Variants in CCDC85A observed in about 807,000 individuals in gnomAD.
The protein encoded by CCDC85A is coiled-coil domain-containing protein 85A.
In CCDC85A, 38 loss-of-function variants were observed where a neutral mutation model predicts 50.2. The ratio of observed to expected loss-of-function variants is 0.76; its 90% CI spans 0.58 to 0.99. The LOEUF (loss-of-function observed/expected upper bound fraction) is 0.99, where lower values mean the gene tolerates loss of function less well. CCDC85A is among the 50% of genes least tolerant of loss of function. The probability of loss-of-function intolerance (pLI) is 0.00; values close to 1 mark genes in which losing one functional copy is unlikely to be tolerated. For missense variants in CCDC85A, 820 were observed against 742.0 expected (o/e 1.11, Z -1.22); for synonymous variants, 366 against 301.4 (o/e 1.21, Z -2.22).
intron 3 of CCDC85A, among the ~76,000 whole-genome samples, chr2:56,366,930 C>T (rs1675826153): frequency 6.6e-6 from 1 of 152,060 alleles, no homozygotes; most frequent in Non-Finnish European, 1.5e-5. Context: ...TAATCTTTTG[C>T]CATTATCTTA....
chr2:56,311,146 T>A (rs1415493612), intron 2 of CCDC85A, among the ~76,000 whole-genome samples: 4 of 152,156 alleles, frequency 2.6e-5, no homozygotes, highest in Admixed American at 2.6e-4. Flanking sequence ...TTTTAAAAAT[T>A]CTTTAGAATT....
chr2:56,306,318 GGGT>G (rs1465974367), intron 2 of CCDC85A, among the ~76,000 whole-genome samples: 6 of 152,028 alleles, frequency 3.9e-5, no homozygotes, highest in African/African-American at 1.2e-4. Context: ...TTAAGAGACT[GGGT>G]TTCACCATGT....
intron 2 of CCDC85A, among the ~76,000 whole-genome samples, chr2:56,340,539 G>A (rs1241417932): frequency 6.6e-6 from 1 of 152,138 alleles, no homozygotes; most frequent in Non-Finnish European, 1.5e-5. Context: ...AGCAGAAGAA[G>A]AAGCCGAGGC....
intron 2 of CCDC85A, among the ~76,000 whole-genome samples, chr2:56,233,365 T>G (rs1240217717): frequency 6.6e-6 from 1 of 152,168 alleles, no homozygotes; most frequent in Non-Finnish European, 1.5e-5. Context: ...GTCTCATCCT[T>G]TGAAGAATAG....
chr2:56,262,593 A>G (rs1670266401), intron 2 of CCDC85A, among the ~76,000 whole-genome samples: 1 of 152,190 alleles, frequency 6.6e-6, no homozygotes, highest in Non-Finnish European at 1.5e-5. Context: ...AGCCATCAGT[A>G]AACCATTCAC....
intron 5 of CCDC85A, among the ~76,000 whole-genome samples, chr2:56,381,001 T>TA (rs1313222797): frequency 6.6e-6 from 1 of 152,154 alleles, no homozygotes; most frequent in Non-Finnish European, 1.5e-5. Context: ...CTCAGACACT[T>TA]ACGCATCAAC....
chr2:56,187,252 A>G (rs1169707015), intron 1 of CCDC85A, among the ~76,000 whole-genome samples: 1 of 152,236 alleles, frequency 6.6e-6, no homozygotes, highest in Non-Finnish European at 1.5e-5. Flanking sequence ...GTTGAGAACT[A>G]TAAATGTAGG....
intron 3 of CCDC85A, among the ~76,000 whole-genome samples, chr2:56,344,243 A>G (rs1007024972): frequency 1.3e-5 from 2 of 152,228 alleles, no homozygotes; most frequent in South Asian, 4.1e-4. Context: ...TAACAAAGTT[A>G]TTATTAGTAA....
At chr2:56,337,248 A>G (rs1674119220) in intron 2 of CCDC85A, among the ~76,000 whole-genome samples, 1 of 152,250 alleles carries the variant, frequency 6.6e-6, no homozygotes, top group South Asian at 2.1e-4. Flanking sequence ...TCCTGCTTTG[A>G]AAATGGGCCT....
chr2:56,351,296 G>A (rs189756340), intron 3 of CCDC85A, among the ~76,000 whole-genome samples: 2 of 151,708 alleles, frequency 1.3e-5, no homozygotes, highest in Admixed American at 6.6e-5. Flanking sequence ...ATTGTGAATA[G>A]TGCCGCAATA....
intron 2 of CCDC85A, among the ~76,000 whole-genome samples, chr2:56,224,309 A>G (rs1668452629): frequency 6.6e-6 from 1 of 152,110 alleles, no homozygotes; most frequent in African/African-American, 2.4e-5. Context: ...ATTTCTTTTC[A>G]CTGGGGACTA....
intron 2 of CCDC85A, among the ~76,000 whole-genome samples, chr2:56,332,287 G>A (rs1573279115): frequency 6.6e-6 from 1 of 152,128 alleles, no homozygotes; most frequent in African/African-American, 2.4e-5. Context: ...TAGTCCTTTT[G>A]GGCTGATACA....
chr2:56,290,598 C>G (rs1316000103), intron 2 of CCDC85A, among the ~76,000 whole-genome samples: 2 of 152,128 alleles, frequency 1.3e-5, no homozygotes. Context: ...GCAGAAGAAG[C>G]AAATAGTGTA....
At position 56,193,083 on chromosome 2, in the gene CCDC85A, C is replaced by A; in HGVS notation, c.883C>A (p.His295Asn). ...LCKGSPEQQR[H>N]PHPGSSPETL... ...CAAGGGCAGCCCCGAACAGCAAAGG[C>A]ACCCGCATCCAGGGAGCAGCCCCGA... Residue 295 changes from histidine (H) to asparagine (N), a missense_variant, in exon 2 of 6, where the codon CAC becomes AAC. Physicochemically the swap from His to Asn is moderately conservative, Grantham distance 68. Coordinates refer to ENST00000407595, the MANE Select transcript of CCDC85A (RefSeq NM_001080433.2). 6.2e-7 allele frequency: 1 copy of A among 1,613,782 alleles called. No individual in the cohort carries two copies. The highest frequency in any genetic ancestry group is 8.5e-7 in the Non-Finnish European group (1 of 1,179,828).
At chr2:56,305,984 T>A (rs1029714151) in intron 2 of CCDC85A, among the ~76,000 whole-genome samples, 1 of 152,218 alleles carries the variant, frequency 6.6e-6, no homozygotes, top group Non-Finnish European at 1.5e-5. Flanking sequence ...CTTGCTCTCT[T>A]CCTTCTTTCA....
rs996287489 is a variant in CCDC85A, at chr2:56,198,225, A to G, written c.1240+4785A>G. 2.0e-5 allele frequency among the ~76,000 whole-genome samples: 3 copies of G among 152,250 alleles called. No individual in the cohort carries two copies. The South Asian group carries it at 6.2e-4, about 31-fold the overall frequency. On this transcript the variant is annotated intron_variant, in intron 2 of 5. Transcript: ENST00000407595. ...AAGTAGTGTGCACTATAGCATGAATAATTACTCTCATAAATCTTTCATTTT... is the reference window on the plus strand; with the variant it reads ...AAGTAGTGTGCACTATAGCATGAATGATTACTCTCATAAATCTTTCATTTT...
chr2:56,334,034 T>C (rs115924798), intron 2 of CCDC85A, among the ~76,000 whole-genome samples: 61 of 152,346 alleles, frequency 4.0e-4, no homozygotes, highest in African/African-American at 1.5e-3. Flanking sequence ...CTTTGCATAG[T>C]TGGCTTTTTC....
At chr2:56,332,011 T>A (rs1463806026) in intron 2 of CCDC85A, among the ~76,000 whole-genome samples, 2 of 152,112 alleles carry the variant, frequency 1.3e-5, no homozygotes, top group South Asian at 4.1e-4. Flanking sequence ...TGCCCCGCCG[T>A]GCATTGCACA....
intron 3 of CCDC85A, among the ~76,000 whole-genome samples, chr2:56,355,149 C>G (rs1227945544): frequency 6.6e-6 from 1 of 152,194 alleles, no homozygotes; most frequent in Admixed American, 6.5e-5. Context: ...CTGGCCATTC[C>G]CCACGGCTCC....
Sources: gnomAD v4.1 joint callset for allele counts (sites outside exome capture counted in the v4.1 genomes callset) on GRCh38, gnomAD v4.1.1 for gene constraint, MANE v1.5 for transcripts, NCBI Gene and HGNC (gene_info 2026-07-23, HGNC 2026-07-21) for gene names.